SYT14: variants seen among roughly 807,000 people sequenced by gnomAD.
The protein encoded by SYT14 is synaptotagmin 14.
In SYT14, 32 loss-of-function variants were observed where a neutral mutation model predicts 74.2. The ratio of observed to expected loss-of-function variants is 0.43; its 90% CI spans 0.33 to 0.58. SYT14 has a LOEUF of 0.58. Ranked by LOEUF, SYT14 falls within the 20% of genes least tolerant of loss-of-function variation. The pLI is 0.05. For synonymous variants in SYT14, 298 were observed against 337.7 expected, an observed-to-expected ratio of 0.88 and a Z score of 1.29; for missense variants, 791 against 981.8, an observed-to-expected ratio of 0.81 and a Z score of 2.60.
At chr1:209,987,519 G>A (rs2079592588) in intron 2 of SYT14, among the ~76,000 whole-genome samples, 1 of 152,168 alleles carries the variant, frequency 6.6e-6, no homozygotes, top group South Asian at 2.1e-4. Context: ...CAGATCTTGT[G>A]AGTACTCACT....
At chr1:210,001,277 A>T (rs2079895794) in intron 2 of SYT14, among the ~76,000 whole-genome samples, 1 of 151,450 alleles carries the variant, frequency 6.6e-6, no homozygotes, top group Non-Finnish European at 1.5e-5. Flanking sequence ...ATAGGTTGCT[A>T]TTGAGGTTTC....
chr1:210,165,085 A>G (rs1572404559), exon 10 of SYT14: 1 of 152,176 alleles, frequency 6.6e-6, no homozygotes. Context: ...TCAACATTTT[A>G]TTGATAAAGA....
intron 2 of SYT14, among the ~76,000 whole-genome samples, chr1:209,992,947 CT>C (rs1319737591): frequency 1.3e-5 from 2 of 152,152 alleles, no homozygotes; most frequent in Non-Finnish European, 2.9e-5. Flanking sequence ...CCCTTAAGAG[CT>C]CCTGGGAAAG....
At position 210,001,927 on chromosome 1, in the gene SYT14, G is replaced by C. The variant is rs189193706; in HGVS notation, c.-485-11706G>C. On this transcript the variant is annotated intron_variant, in intron 2 of 9. Coordinates refer to ENST00000637265, the Ensembl canonical transcript of SYT14. Reference sequence around the variant, plus strand: ...AGGTCAGAGTAGTCATAGAGAGCCAGATCATGCAGGAAATGAGGAGCCATT... The same window carrying C: ...AGGTCAGAGTAGTCATAGAGAGCCACATCATGCAGGAAATGAGGAGCCATT... 1.4e-4 allele frequency among the ~76,000 whole-genome samples: 22 copies of C among 152,278 alleles called. No individual in the cohort carries two copies. In the East Asian group the frequency reaches 4.1e-3, roughly 28 times the overall value.
At chr1:210,006,722 T>A (rs1257874700) in intron 2 of SYT14, among the ~76,000 whole-genome samples, 1 of 151,892 alleles carries the variant, frequency 6.6e-6, no homozygotes, top group Non-Finnish European at 1.5e-5. Flanking sequence ...TTGTTTAATT[T>A]TGCATTTAAG....
rs533332119 is a variant in SYT14 at position 210,121,666 on chromosome 1, C to T, written c.2034+21205C>T. Among the ~76,000 whole-genome samples, 91 of 151,678 alleles carry T rather than the reference C, an allele frequency of 6.0e-4. 1 individual carries two copies. The South Asian group carries it at 0.013, about 21-fold the overall frequency. On this transcript the variant is annotated intron_variant, in intron 7 of 9. Transcript: ENST00000637265. Reference sequence around the variant, plus strand: ...AAAATTAGCCAGGCGTGGTGGCGGGCGCCTGTAGTCCCAGCTACTCGGGAG... The same window carrying T: ...AAAATTAGCCAGGCGTGGTGGCGGGTGCCTGTAGTCCCAGCTACTCGGGAG...
At chr1:210,152,593 A>G (rs2083187638) in intron 7 of SYT14, among the ~76,000 whole-genome samples, 1 of 152,094 alleles carries the variant, frequency 6.6e-6, no homozygotes, top group African/African-American at 2.4e-5. Flanking sequence ...AGAAAAGGGT[A>G]AAAAATGCAA....
At position 209,945,242 on chromosome 1, in the gene SYT14, A is replaced by G. The variant is rs563864731; in HGVS notation, c.-534+6965A>G. Among the ~76,000 whole-genome samples, 5 of 152,230 alleles carry G rather than the reference A, an allele frequency of 3.3e-5. No homozygotes were observed. The South Asian group carries it at 1.0e-3, about 32-fold the overall frequency. On this transcript the variant is annotated intron_variant, in intron 1 of 9. Transcript: ENST00000637265. ...ATTACTTTAGCTATTATTTTTACTT[A>G]CTCCAAAGGTTAAGTAACAAGCACA...
chr1:210,155,400 A>G (rs987037766), intron 7 of SYT14, among the ~76,000 whole-genome samples: 5 of 152,208 alleles, frequency 3.3e-5, no homozygotes, highest in African/African-American at 1.2e-4. Context: ...TAAGGTTGAT[A>G]ATCTTTAAAC....
chr1:210,148,156 C>T (rs567485675), intron 7 of SYT14, among the ~76,000 whole-genome samples: 34 of 152,176 alleles, frequency 2.2e-4, no homozygotes, highest in Non-Finnish European at 4.1e-4. Flanking sequence ...GAAATACTTA[C>T]GCACAAACAC....
intron 5 of SYT14, among the ~76,000 whole-genome samples, chr1:210,069,218 A>G (rs774610395): frequency 1.3e-4 from 20 of 151,898 alleles, no homozygotes; most frequent in Non-Finnish European, 2.4e-4. Context: ...GGGGATTAAT[A>G]TCTATTGTAT....
chr1:210,093,391 A>G (rs2081911712), intron 5 of SYT14, among the ~76,000 whole-genome samples: 2 of 148,768 alleles, frequency 1.3e-5, no homozygotes. Context: ...TTTAAATTTA[A>G]TGTTTAGTAT....
At chr1:209,986,779 A>C (rs927163162) in intron 2 of SYT14, among the ~76,000 whole-genome samples, 2 of 152,026 alleles carry the variant, frequency 1.3e-5, no homozygotes, top group Non-Finnish European at 2.9e-5. Context: ...ATGCGCCACC[A>C]TGCCCGGCTA....
chr1:210,085,114 A>G (rs1016230309), intron 5 of SYT14, among the ~76,000 whole-genome samples: 7 of 152,212 alleles, frequency 4.6e-5, no homozygotes, highest in African/African-American at 1.7e-4. Context: ...CAACAATGTC[A>G]TTTCTTAGCA....
chr1:210,063,304 G>A (rs1410526327), intron 5 of SYT14, among the ~76,000 whole-genome samples: 1 of 151,612 alleles, frequency 6.6e-6, no homozygotes, highest in East Asian at 1.9e-4. Context: ...TTATCACTAT[G>A]TTATTGCTGG....
chr1:210,015,885 A>G, exon 4 of SYT14: 1 of 1,225,880 alleles, frequency 8.2e-7, no homozygotes, highest in Non-Finnish European at 1.0e-6. Context: ...GTGAATTGCT[A>G]ATATTGAGCT....
At chr1:210,123,676 C>T (rs2102617900) in intron 7 of SYT14, among the ~76,000 whole-genome samples, 1 of 152,266 alleles carries the variant, frequency 6.6e-6, no homozygotes, top group Middle Eastern at 3.4e-3. Flanking sequence ...ATGTTTATGC[C>T]TGTCAGTGAA....
rs2307891 is a variant in SYT14, at chr1:210,094,038, T to TTAAC, written c.1313-281_1313-280insCTAA. Among the ~76,000 whole-genome samples, 113,901 of 151,622 alleles carry TTAAC rather than the reference T, an allele frequency of 0.75. 43,935 individuals carry two copies. Among genetic ancestry groups the TTAAC allele is most frequent in the African/African-American group, 0.92 (38,195 of 41,418 alleles). On this transcript the variant is annotated intron_variant, in intron 5 of 9. Transcript: ENST00000637265. Reference sequence around the variant, plus strand: ...GTTTTGAGAGAGACAAATAAGCTGTTTAATACTTATCACTCCCTAATTTTT... The same window carrying TTAAC: ...GTTTTGAGAGAGACAAATAAGCTGTTTAACTAATACTTATCACTCCCTAATTTTT...
intron 5 of SYT14, among the ~76,000 whole-genome samples, chr1:210,053,339 A>G (rs547904464): frequency 4.6e-5 from 7 of 152,300 alleles, no homozygotes; most frequent in South Asian, 2.1e-4. Context: ...TTGTGTGCTG[A>G]AGTAATAGTA....
Sources: allele counts gnomAD v4.1 joint callset (sites outside exome capture counted in the v4.1 genomes callset), GRCh38; gene constraint gnomAD v4.1.1; transcripts MANE v1.5; gene names NCBI Gene and HGNC (gene_info 2026-07-23, HGNC 2026-07-21).